The following HDAC2 variants were observed in gnomAD, a reference collection of about 807,000 sequenced individuals.
The protein encoded by HDAC2 is YY1-associated factor 1.
Under a neutral mutation model 68.5 loss-of-function variants are expected in HDAC2, and 5 were observed. The ratio of observed to expected loss-of-function variants is 0.07; its 90% CI spans 0.04 to 0.15. HDAC2 has a LOEUF of 0.15. Ranked by LOEUF, HDAC2 falls within the 10% of genes least tolerant of loss-of-function variation. HDAC2 has a pLI of 1.00. For missense variants in HDAC2, 291 were observed against 600.8 expected (o/e 0.48, Z 5.39); for synonymous variants, 182 against 191.3 (o/e 0.95, Z 0.40).
intron 5 of HDAC2, among the ~76,000 whole-genome samples, chr6:113,953,726 A>C (rs1776476826): frequency 6.6e-6 from 1 of 152,272 alleles, no homozygotes; most frequent in Non-Finnish European, 1.5e-5. Flanking sequence ...ACCATACTCA[A>C]GATTGTTAAT....
At chr6:113,961,419 C>T (rs1776681033) in intron 1 of HDAC2, among the ~76,000 whole-genome samples, 1 of 152,164 alleles carries the variant, frequency 6.6e-6, no homozygotes, top group South Asian at 2.1e-4. Context: ...ATTTTCAGCA[C>T]AGCTCTCTTC....
At chr6:113,942,432 T>A (rs199826659) in intron 12 of HDAC2, among the ~76,000 whole-genome samples, 13 of 141,668 alleles carry the variant, frequency 9.2e-5, no homozygotes, top group Non-Finnish European at 1.2e-4. Context: ...CTCTCTAGTT[T>A]AAAAAAAAAA....
Position 113,941,039 on chromosome 6 carries a change from A to G in HDAC2, c.*19T>C. 1 of 1,593,532 alleles carries G rather than the reference A, an allele frequency of 6.3e-7. No individual in the cohort carries two copies. The highest frequency in any genetic ancestry group is 8.6e-7 in the Non-Finnish European group (1 of 1,166,508). On this transcript the variant is annotated 3_prime_UTR_variant, in exon 14 of 14. Transcript: ENST00000519065. ...ATTTTCTTTTTAATGATTTTCTGAA[A>G]TTGGTGAGACTGTCAAATTCAGGGG... is the stretch of plus-strand genomic sequence containing the variant.
At chr6:113,941,223 A>G (rs1372550492) in intron 13 of HDAC2, 135 bp from the exon 14 acceptor site, 2 of 538,086 alleles carry the variant, frequency 3.7e-6, no homozygotes, top group South Asian at 3.8e-5. Context: ...GTGTTTCTGG[A>G]GTAATTAATG....
chr6:113,945,388 G>A lies in HDAC2; in HGVS notation c.1065C>T (p.Asn355=), dbSNP rs754073358. The change falls in exon 10 of 14, where the codon AAC becomes AAT. Residue 355 remains asparagine, a synonymous_variant. Transcript: ENST00000519065. ...TTATCTTTTCCATATATTCTGGAGT[G>A]TTCTGGTTTGTCATGTTTGAAGGAC... ...HISPSNMTNQ[N]TPEYMEKIKQ... is the part of the protein sequence containing the mutation. 4 of 1,501,258 alleles carry A rather than the reference G, an allele frequency of 2.7e-6. No individual in the cohort carries two copies. The East Asian group carries it at 6.8e-5, about 25-fold the overall frequency. The allele number at this position is 1,501,258 out of a possible 1,614,324, so 93.0% of individuals were successfully genotyped here.
At chr6:113,970,777 C>T in intron 1 of HDAC2, 80 bp downstream of exon 1, 1 of 1,439,250 alleles carries the variant, frequency 6.9e-7, no homozygotes, top group Middle Eastern at 2.3e-4. Context: ...CCCTCAGCCC[C>T]GGCGCCCACT....
rs746702861 is a variant in HDAC2, at chr6:113,934,638, T to G, written c.*6420A>C. ...TGGAAATAAGATAGATTTACAGAAT[T>G]TTCTGCCTAACTCTAGAAATAGGAT... is the stretch of plus-strand genomic sequence containing the variant. On this transcript the variant is annotated 3_prime_UTR_variant, in exon 14 of 14. Coordinates refer to ENST00000519065, the MANE Select transcript of HDAC2 (RefSeq NM_001527.4). 3 of 152,200 alleles carry G rather than the reference T, an allele frequency of 2.0e-5. No individual in the cohort carries two copies. The highest frequency in any genetic ancestry group is 4.4e-5 in the Non-Finnish European group (3 of 68,028). 9.4% of individuals were successfully genotyped at this position (152,200 alleles called of 1,614,324 possible). A position where few individuals can be genotyped will look rare whatever the true frequency, so the allele number is the denominator to read the frequency against.
In HDAC2 at chr6:113,937,408, G is replaced by C. The variant is rs1246959130; in HGVS notation, c.*3650C>G. The C allele has an allele frequency of 6.6e-6, 1 of 152,180 alleles. No individual in the cohort carries two copies. Among genetic ancestry groups the C allele is most frequent in the Non-Finnish European group, 1.5e-5 (1 of 68,014 alleles). The allele number at this position is 152,180 out of a possible 1,614,324, so 9.4% of individuals were successfully genotyped here. A position where few individuals can be genotyped will look rare whatever the true frequency, so the allele number is the denominator to read the frequency against. On this transcript the variant is annotated 3_prime_UTR_variant, in exon 14 of 14. Transcript: ENST00000519065. ...TTAGATATGATGTAACTAGCTTAGA[G>C]TACCAATGCTGACTTAGAACAGCAT... is the stretch of plus-strand genomic sequence containing the variant.
intron 10 of HDAC2, among the ~76,000 whole-genome samples, chr6:113,944,995 C>A (rs572065845): frequency 3.3e-5 from 5 of 152,080 alleles, no homozygotes; most frequent in African/African-American, 1.2e-4. Context: ...TTATAGTGCA[C>A]CTTGCAATTT....
At chr6:113,967,676 C>A (rs983840330) in intron 1 of HDAC2, among the ~76,000 whole-genome samples, 9 of 152,172 alleles carry the variant, frequency 5.9e-5, no homozygotes, top group African/African-American at 2.2e-4. Flanking sequence ...ATAAACATGT[C>A]TAGATACAGT....
chr6:113,944,673 T>C (rs1353113612), intron 10 of HDAC2, among the ~76,000 whole-genome samples: 1 of 152,090 alleles, frequency 6.6e-6, no homozygotes, highest in Non-Finnish European at 1.5e-5. Flanking sequence ...TTTTTAAATT[T>C]TTTGCAGACA....
intron 11 of HDAC2, 45 bp from the exon 12 acceptor site, chr6:113,943,551 T>C: frequency 6.6e-7 from 1 of 1,509,674 alleles, no homozygotes. Context: ...CAGTCACAGG[T>C]TTTATAATCA....
At chr6:113,960,473 C>T (rs7748936) in intron 1 of HDAC2, among the ~76,000 whole-genome samples, 16,514 of 151,996 alleles carry the variant, frequency 0.11, 989 homozygotes, top group African/African-American at 0.14. Context: ...TTAAAACATA[C>T]CGTGTCCATA....
At position 113,949,396 on chromosome 6, in the gene HDAC2, G is replaced by A. The variant is rs369786154; in HGVS notation, c.640-136C>T. 1.0e-4 allele frequency: 65 copies of A among 626,568 alleles called. No individual in the cohort carries two copies. The Middle Eastern group carries it at 2.2e-3, about 21-fold the overall frequency. 38.8% of individuals were successfully genotyped at this position (626,568 alleles called of 1,614,324 possible). A position where few individuals can be genotyped will look rare whatever the true frequency, so the allele number is the denominator to read the frequency against. Reference sequence around the variant, plus strand: ...TGAATTCATCTTAGAAGTTGAGACCGGAACAATCAAACTGAGAAAGGAAAT... The same window carrying A: ...TGAATTCATCTTAGAAGTTGAGACCAGAACAATCAAACTGAGAAAGGAAAT... On this transcript the variant is annotated intron_variant, in intron 6 of 13. Coordinates refer to ENST00000519065, the MANE Select transcript of HDAC2 (RefSeq NM_001527.4).
chr6:113,956,566 G>A, intron 4 of HDAC2, 53 bp downstream of exon 4: 1 of 1,225,884 alleles, frequency 8.2e-7, no homozygotes, highest in Non-Finnish European at 1.2e-6. Flanking sequence ...TAACCCGAAA[G>A]ATAACACACC....
chr6:113,945,122 A>G (rs1437126278), intron 10 of HDAC2, among the ~76,000 whole-genome samples: 2 of 152,012 alleles, frequency 1.3e-5, no homozygotes, highest in African/African-American at 2.4e-5. Context: ...AGGTGACAGG[A>G]TCACTTGAAG....
intron 6 of HDAC2, among the ~76,000 whole-genome samples, chr6:113,952,013 A>T (rs1776431483): frequency 6.6e-6 from 1 of 152,198 alleles, no homozygotes; most frequent in South Asian, 2.1e-4. Flanking sequence ...AACAGAGAAG[A>T]CTTTTGCTTG....
intron 4 of HDAC2, 125 bp from the exon 5 acceptor site, chr6:113,956,276 A>T (rs919693753): frequency 1.0e-5 from 8 of 782,074 alleles, no homozygotes; most frequent in Non-Finnish European, 1.4e-5. Context: ...AGTTAACAGA[A>T]ATCATCTATA....
rs1269535007 is a variant in HDAC2, at chr6:113,938,957, A to C, written c.*2101T>G. On this transcript the variant is annotated 3_prime_UTR_variant, in exon 14 of 14. Coordinates refer to ENST00000519065, the MANE Select transcript of HDAC2 (RefSeq NM_001527.4). ...TACACCCAAGGAGATCCAGTATAGT[A>C]TTGAAGTGTACAATTTCAGTATGTT... 6.6e-6 allele frequency: 1 copy of C among 152,124 alleles called. No homozygotes were observed. Among genetic ancestry groups the C allele is most frequent in the Non-Finnish European group, 1.5e-5 (1 of 68,038 alleles). 9.4% of individuals were successfully genotyped at this position (152,124 alleles called of 1,614,324 possible).
Sources: gnomAD v4.1 joint callset for allele counts (sites outside exome capture counted in the v4.1 genomes callset) on GRCh38, gnomAD v4.1.1 for gene constraint, MANE v1.5 for transcripts, NCBI Gene and HGNC (gene_info 2026-07-23, HGNC 2026-07-21) for gene names.